Variants in THNSL1 observed in about 807,000 individuals in gnomAD.
THNSL1 encodes threonine synthase like 1.
Under a neutral mutation model 50.4 loss-of-function variants are expected in THNSL1, and 48 were observed. The observed-to-expected ratio is 0.95, with a 90% CI of 0.76 to 1.21. THNSL1 has a LOEUF of 1.21. Ranked by LOEUF, THNSL1 falls within the 50% of genes most tolerant of loss-of-function variation. The probability of loss-of-function intolerance (pLI) is 0.00; values close to 1 mark genes in which losing one functional copy is unlikely to be tolerated. For missense variants in THNSL1, 896 were observed against 871.7 expected (o/e 1.03, Z -0.35); for synonymous variants, 309 against 306.1 (o/e 1.01, Z -0.10).
chr10:24,990,965 T>C, the THNSL1 span, among the ~76,000 whole-genome samples: 2 of 152,176 alleles, frequency 1.3e-5, no homozygotes, highest in Admixed American at 1.3e-4. Context: ...CCAGGCATCG[T>C]GGCATGTGCC....
the THNSL1 span, among the ~76,000 whole-genome samples, chr10:25,002,933 G>C: frequency 3.3e-5 from 5 of 150,292 alleles, no homozygotes; most frequent in Admixed American, 6.6e-5. Context: ...AAAAAAAAAA[G>C]GTGTCTTTAC....
chr10:24,984,453 T>A, the THNSL1 span: 8 of 1,451,360 alleles, frequency 5.5e-6, 1 homozygote, highest in South Asian at 1.0e-4. Context: ...AATGTTTATG[T>A]GAAACAAGTA....
rs867823531 is a variant in THNSL1, at chr10:25,024,368, C to T, written c.1145C>T (p.Thr382Ile). ...ATACTTGTAGCTACTTCAGGAGACACAGGGAGTGCAGTCTTAAATGGTTTT... is the reference window on the plus strand; with the variant it reads ...ATACTTGTAGCTACTTCAGGAGACATAGGGAGTGCAGTCTTAAATGGTTTT... Reference protein sequence around the residue: ...YMILVATSGDTGSAVLNGFSR... With the variant: ...YMILVATSGDIGSAVLNGFSR... The change falls in exon 3 of 3, where the codon ACA (threonine) becomes ATA (isoleucine). Residue 382 changes from threonine to isoleucine, a missense_variant. Thr to Ile is a moderately conservative substitution (Grantham distance 89). Transcript: ENST00000376356. 1 of 1,613,874 alleles carries T rather than the reference C, an allele frequency of 6.2e-7. No homozygotes were observed. The highest frequency in any genetic ancestry group is 1.3e-5 in the African/African-American group (1 of 74,924).
At chr10:25,012,101 C>G (rs1027373404), upstream of THNSL1, among the ~76,000 whole-genome samples, 1 of 152,228 alleles carries the variant, frequency 6.6e-6, no homozygotes, top group Admixed American at 6.5e-5. Context: ...GAGCCCCAAG[C>G]CTTGGTGGCT....
chr10:25,006,424 T>C, the THNSL1 span, among the ~76,000 whole-genome samples: 7 of 152,094 alleles, frequency 4.6e-5, no homozygotes, highest in African/African-American at 1.7e-4. Flanking sequence ...GCTTTTGTCT[T>C]TGGACAATAT....
intron 1 of THNSL1, among the ~76,000 whole-genome samples, chr10:25,019,046 A>G (rs1850668210): frequency 6.6e-6 from 1 of 152,218 alleles, no homozygotes; most frequent in South Asian, 2.1e-4. Context: ...AAAGTTTGAG[A>G]GAATTTTTGG....
At chr10:24,984,376 GCTGC>G in the THNSL1 span, 1 of 1,536,222 alleles carries the variant, frequency 6.5e-7, no homozygotes, top group Admixed American at 2.0e-5. Flanking sequence ...GGTATCATGC[GCTGC>G]AGAAAAAAAA....
the THNSL1 span, among the ~76,000 whole-genome samples, chr10:24,969,365 T>C: frequency 2.2e-4 from 33 of 152,312 alleles, 1 homozygote; most frequent in Non-Finnish European, 4.7e-4. Flanking sequence ...TTTTTCTGTA[T>C]GTCCATCACA....
At chr10:24,962,486 C>G in the THNSL1 span, among the ~76,000 whole-genome samples, 1 of 152,162 alleles carries the variant, frequency 6.6e-6, no homozygotes, top group African/African-American at 2.4e-5. Context: ...AACTACATCA[C>G]TAAATCTCAA....
chr10:24,972,377 G>A, the THNSL1 span, among the ~76,000 whole-genome samples: 6 of 151,240 alleles, frequency 4.0e-5, no homozygotes, highest in Admixed American at 1.3e-4. Context: ...GTGTGGTGGC[G>A]GGTGCCTGTA....
chr10:24,965,562 G>A, the THNSL1 span, among the ~76,000 whole-genome samples: 23 of 152,332 alleles, frequency 1.5e-4, no homozygotes, highest in African/African-American at 5.5e-4. Context: ...CTATGAATAT[G>A]GAAAATTAAG....
the THNSL1 span, among the ~76,000 whole-genome samples, chr10:24,967,056 T>C: frequency 8.5e-5 from 13 of 152,268 alleles, no homozygotes; most frequent in Non-Finnish European, 1.8e-4. Context: ...ATGAACAAGG[T>C]CTGCTGCTTT....
upstream of THNSL1, among the ~76,000 whole-genome samples, chr10:25,012,133 G>A (rs980152009): frequency 3.3e-5 from 5 of 152,246 alleles, no homozygotes; most frequent in African/African-American, 9.6e-5. Context: ...TTGGGACTAC[G>A]GGTGCACAGA....
chr10:24,960,409 T>TTTA, the THNSL1 span, among the ~76,000 whole-genome samples: 3 of 151,914 alleles, frequency 2.0e-5, no homozygotes, highest in African/African-American at 4.8e-5. Flanking sequence ...TTTTATTTGT[T>TTTA]TTATTATTAT....
chr10:24,960,388 G>A, the THNSL1 span, among the ~76,000 whole-genome samples: 1 of 151,666 alleles, frequency 6.6e-6, no homozygotes, highest in Non-Finnish European at 1.5e-5. Flanking sequence ...GAAGGAACTG[G>A]GTTCCTTGTG....
At chr10:24,975,290 G>A in the THNSL1 span, among the ~76,000 whole-genome samples, 1 of 152,208 alleles carries the variant, frequency 6.6e-6, no homozygotes, top group African/African-American at 2.4e-5. Flanking sequence ...GAAAAGTCAG[G>A]GGATAGAAAG....
At chr10:25,015,783 C>A, upstream of THNSL1, 2 of 1,265,814 alleles carry the variant, frequency 1.6e-6, no homozygotes, top group South Asian at 2.0e-5. Flanking sequence ...ATTAAAAATT[C>A]CAGTATATGT....
At chr10:25,012,083 G>C (rs1351023724), upstream of THNSL1, among the ~76,000 whole-genome samples, 2 of 152,264 alleles carry the variant, frequency 1.3e-5, no homozygotes, top group Admixed American at 6.5e-5. Flanking sequence ...CATTGCTTCA[G>C]AGGGTGCGAG....
the THNSL1 span, chr10:24,990,667 G>A: frequency 1.7e-5 from 25 of 1,483,146 alleles, no homozygotes; most frequent in South Asian, 2.4e-4. Context: ...TTACATATGG[G>A]TACGTATCAA....
Sources: gnomAD v4.1 joint callset for allele counts (sites outside exome capture counted in the v4.1 genomes callset) on GRCh38, gnomAD v4.1.1 for gene constraint, MANE v1.5 for transcripts, NCBI Gene and HGNC (gene_info 2026-07-23, HGNC 2026-07-21) for gene names.